SMCO4: variants seen among roughly 807,000 people sequenced by gnomAD.
The protein encoded by SMCO4 is single-pass membrane and coiled-coil domain-containing protein 4.
Under a neutral mutation model 3.6 loss-of-function variants are expected in SMCO4, and 4 were observed. That is an observed-to-expected ratio of 1.11 (90% CI 0.54 to 2.53). The LOEUF (loss-of-function observed/expected upper bound fraction) is 2.53, where lower values mean the gene tolerates loss of function less well. SMCO4 is among the 30% of genes most tolerant of loss of function. The probability of loss-of-function intolerance (pLI) is 0.02; values close to 1 mark genes in which losing one functional copy is unlikely to be tolerated. For missense variants in SMCO4, 70 were observed against 80.8 expected (o/e 0.87, Z 0.51); for synonymous variants, 36 against 35.3 (o/e 1.02, Z -0.07).
At chr11:93,551,045 A>G in the SMCO4 span, among the ~76,000 whole-genome samples, 2 of 152,192 alleles carry the variant, frequency 1.3e-5, no homozygotes, top group Non-Finnish European at 2.9e-5. Context: ...ATCACTTCAC[A>G]TGTATTTACG....
intron 1 of SMCO4, among the ~76,000 whole-genome samples, chr11:93,504,893 A>G (rs1457775335): frequency 6.6e-6 from 1 of 152,196 alleles, no homozygotes; most frequent in Non-Finnish European, 1.5e-5. Context: ...AAATGATTTT[A>G]TTCAGTCCCC....
At chr11:93,480,346 C>T (rs928987224) in intron 2 of SMCO4, among the ~76,000 whole-genome samples, 3 of 152,126 alleles carry the variant, frequency 2.0e-5, no homozygotes, top group Non-Finnish European at 4.4e-5. Flanking sequence ...AGGTGCCGAG[C>T]CACCATGACC....
At chr11:93,534,225 C>T (rs1470274530) in intron 1 of SMCO4, among the ~76,000 whole-genome samples, 1 of 7,382 alleles carries the variant, frequency 1.4e-4, no homozygotes, top group Admixed American at 5.7e-4. Context: ...TACACACACA[C>T]ACACACACAC....
chr11:93,509,298 A>G (rs145167002), intron 1 of SMCO4, among the ~76,000 whole-genome samples: 5 of 40,196 alleles, frequency 1.2e-4, no homozygotes, highest in African/African-American at 3.9e-4. Context: ...TCAAAAATGG[A>G]AAAAAAAAAA....
chr11:93,494,317 C>T (rs1050157439), intron 2 of SMCO4, among the ~76,000 whole-genome samples: 1 of 152,204 alleles, frequency 6.6e-6, no homozygotes, highest in South Asian at 2.1e-4. Context: ...AGCCAAAACA[C>T]ATTCCTAGCA....
intron 1 of SMCO4, among the ~76,000 whole-genome samples, chr11:93,538,127 GAT>G (rs1565391814): frequency 6.6e-6 from 1 of 152,208 alleles, no homozygotes; most frequent in Non-Finnish European, 1.5e-5. Flanking sequence ...GCGTCCTACC[GAT>G]GACAGGACAT....
At chr11:93,523,862 C>T (rs1237766547) in intron 1 of SMCO4, among the ~76,000 whole-genome samples, 1 of 152,128 alleles carries the variant, frequency 6.6e-6, no homozygotes. Context: ...ACATGGACTT[C>T]CTTAGTTTTG....
At chr11:93,504,754 C>T (rs1004933848) in intron 1 of SMCO4, among the ~76,000 whole-genome samples, 3 of 152,140 alleles carry the variant, frequency 2.0e-5, no homozygotes, top group Admixed American at 2.0e-4. Context: ...TTTTCCCCAA[C>T]GTGTGGGCAG....
chr11:93,498,997 G>A (rs1249188926), intron 2 of SMCO4, among the ~76,000 whole-genome samples: 1 of 152,132 alleles, frequency 6.6e-6, no homozygotes, highest in Non-Finnish European at 1.5e-5. Flanking sequence ...GAGAGGAAGG[G>A]TGAGACCATC....
At chr11:93,536,460 T>C (rs1949225915) in intron 1 of SMCO4, among the ~76,000 whole-genome samples, 1 of 152,020 alleles carries the variant, frequency 6.6e-6, no homozygotes, top group Admixed American at 6.5e-5. Context: ...TGTAGGCAAA[T>C]AAAAGACAAA....
intron 2 of SMCO4, among the ~76,000 whole-genome samples, chr11:93,487,143 G>A (rs1479145006): frequency 3.3e-5 from 5 of 152,134 alleles, no homozygotes; most frequent in Admixed American, 1.3e-4. Flanking sequence ...GCAGCTCTGC[G>A]GTTCATCAAG....
intron 1 of SMCO4, among the ~76,000 whole-genome samples, chr11:93,522,917 T>G (rs1949072009): frequency 6.6e-6 from 1 of 152,208 alleles, no homozygotes; most frequent in East Asian, 1.9e-4. Flanking sequence ...ACTCCAGTTC[T>G]ATCTCCCCTA....
intron 2 of SMCO4, among the ~76,000 whole-genome samples, chr11:93,497,386 A>G (rs188576401): frequency 1.4e-4 from 22 of 152,372 alleles, no homozygotes; most frequent in Admixed American, 1.4e-3. Context: ...GAGTAAGACA[A>G]TGCAGCATTC....
At chr11:93,499,425 C>A (rs1565378214) in intron 1 of SMCO4, 77 bp from the exon 2 acceptor site, 4 of 152,158 alleles carry the variant, frequency 2.6e-5, no homozygotes, top group Admixed American at 1.3e-4. Context: ...TTGGAACCCC[C>A]TCAGCCCATG....
At chr11:93,480,380 G>A (rs1275850043) in intron 2 of SMCO4, among the ~76,000 whole-genome samples, 2 of 152,152 alleles carry the variant, frequency 1.3e-5, no homozygotes, top group African/African-American at 4.8e-5. Context: ...AGATGTGGCT[G>A]CTGGCACAGT....
At chr11:93,497,846 T>C (rs995382829) in intron 2 of SMCO4, among the ~76,000 whole-genome samples, 3 of 152,208 alleles carry the variant, frequency 2.0e-5, no homozygotes, top group African/African-American at 7.2e-5. Context: ...TCTACAAATG[T>C]GAGAGACAGT....
the SMCO4 span, among the ~76,000 whole-genome samples, chr11:93,553,938 A>G: frequency 6.6e-6 from 1 of 152,242 alleles, no homozygotes; most frequent in Non-Finnish European, 1.5e-5. Flanking sequence ...CTTGGTTCCC[A>G]GCATTGCAAC....
chr11:93,548,561 G>T, the SMCO4 span, among the ~76,000 whole-genome samples: 12 of 152,204 alleles, frequency 7.9e-5, no homozygotes, highest in Non-Finnish European at 1.5e-4. Flanking sequence ...AAAACATGGG[G>T]TTAAGGGGAC....
intron 2 of SMCO4, among the ~76,000 whole-genome samples, chr11:93,487,823 G>C (rs1948668863): frequency 6.6e-6 from 1 of 152,232 alleles, no homozygotes; most frequent in Non-Finnish European, 1.5e-5. Context: ...GGCAATTCTA[G>C]GGTCTGTGAT....
Sources: allele counts gnomAD v4.1 joint callset (sites outside exome capture counted in the v4.1 genomes callset), GRCh38; gene constraint gnomAD v4.1.1; transcripts MANE v1.5; gene names NCBI Gene and HGNC (gene_info 2026-07-23, HGNC 2026-07-21).